OPCML: variants seen among roughly 807,000 people sequenced by gnomAD.
The protein encoded by OPCML is opioid-binding protein/cell adhesion molecule.
Under a neutral mutation model 37.8 loss-of-function variants are expected in OPCML, and 13 were observed. The observed-to-expected ratio is 0.34, with a 90% CI of 0.22 to 0.55. The LOEUF is 0.55. Ranked by LOEUF, OPCML falls within the 20% of genes least tolerant of loss-of-function variation. The pLI is 0.91. For synonymous variants in OPCML, 176 were observed against 168.8 expected, an observed-to-expected ratio of 1.04 and a Z score of -0.33; for missense variants, 341 against 435.6, an observed-to-expected ratio of 0.78 and a Z score of 1.93.
At chr11:132,422,808 T>G (rs1216560298) in intron 7 of OPCML, among the ~76,000 whole-genome samples, 1 of 152,206 alleles carries the variant, frequency 6.6e-6, no homozygotes, top group East Asian at 1.9e-4. Flanking sequence ...ACAAGTCTAC[T>G]TCCTCTCTGT....
intron 1 of OPCML, among the ~76,000 whole-genome samples, chr11:133,281,505 C>T (rs1942154467): frequency 6.6e-6 from 1 of 152,120 alleles, no homozygotes; most frequent in Non-Finnish European, 1.5e-5. Flanking sequence ...ACCAAGTAAA[C>T]TTCTTTTCTT....
At chr11:132,502,689 T>G (rs2096248121) in intron 4 of OPCML, among the ~76,000 whole-genome samples, 1 of 152,226 alleles carries the variant, frequency 6.6e-6, no homozygotes, top group Admixed American at 6.5e-5. Context: ...CTTCCATTGT[T>G]AAGTGAAACA....
intron 3 of OPCML, among the ~76,000 whole-genome samples, chr11:132,628,664 C>T (rs573977288): frequency 1.3e-5 from 2 of 152,266 alleles, no homozygotes; most frequent in South Asian, 4.1e-4. Flanking sequence ...TACACCCTTA[C>T]ACCACCTGTG....
intron 1 of OPCML, among the ~76,000 whole-genome samples, chr11:133,017,916 C>T (rs1180515386): frequency 6.6e-6 from 1 of 152,166 alleles, no homozygotes; most frequent in Non-Finnish European, 1.5e-5. Flanking sequence ...AAAGAAAGAT[C>T]TGGCTTTCTG....
chr11:132,434,457 G>C (rs2096006833), intron 7 of OPCML, among the ~76,000 whole-genome samples: 1 of 152,170 alleles, frequency 6.6e-6, no homozygotes, highest in African/African-American at 2.4e-5. Context: ...GTGTGTGCCT[G>C]TTTCTCTTTG....
intron 4 of OPCML, among the ~76,000 whole-genome samples, chr11:132,461,402 G>A (rs1298967367): frequency 6.6e-6 from 1 of 152,204 alleles, no homozygotes; most frequent in Non-Finnish European, 1.5e-5. Flanking sequence ...GTTCTGGAAA[G>A]GGGAACACAT....
At chr11:133,483,795 T>TAGATA (rs1555165668) in intron 1 of OPCML, among the ~76,000 whole-genome samples, 2 of 132,346 alleles carry the variant, frequency 1.5e-5, no homozygotes, top group African/African-American at 3.1e-5. Flanking sequence ...GATACATAGA[T>TAGATA]GATAGATAGA....
intron 4 of OPCML, among the ~76,000 whole-genome samples, chr11:132,441,311 G>C (rs2096033932): frequency 6.7e-6 from 1 of 149,186 alleles, no homozygotes; most frequent in African/African-American, 2.5e-5. Context: ...GGGACTGCAG[G>C]CGCCCGCCAC....
intron 1 of OPCML, among the ~76,000 whole-genome samples, chr11:133,531,702 C>T (rs565417435): frequency 4.4e-4 from 64 of 144,380 alleles, no homozygotes; most frequent in Non-Finnish European, 8.7e-4. Flanking sequence ...AGAGCAGTTC[C>T]GAAGGAAGGG....
At chr11:132,482,910 G>A (rs1461435619) in intron 4 of OPCML, among the ~76,000 whole-genome samples, 1 of 146,096 alleles carries the variant, frequency 6.8e-6, no homozygotes, top group African/African-American at 2.6e-5. Flanking sequence ...GGTATTGATG[G>A]GACATATTTC....
chr11:132,826,499 G>T (rs1292132528), intron 2 of OPCML, among the ~76,000 whole-genome samples: 1 of 152,144 alleles, frequency 6.6e-6, no homozygotes, highest in East Asian at 1.9e-4. Context: ...TGAAAAAAAT[G>T]TGAAAGGCAT....
Position 132,853,459 on chromosome 11 carries a change from G to A in OPCML, c.146+89467C>T, listed in dbSNP as rs575583462. 1.7e-4 allele frequency among the ~76,000 whole-genome samples: 26 copies of A among 152,232 alleles called. No homozygotes were observed. The South Asian group carries it at 5.4e-3, about 32-fold the overall frequency. ...ATTCAAAATACAAGATAGACCAGCA[G>A]ATAAAACAGACATGCCATAAAAGTC... On this transcript the variant is annotated intron_variant, in intron 2 of 7. Coordinates refer to ENST00000524381, the MANE Select transcript of OPCML (RefSeq NM_001012393.5).
intron 4 of OPCML, among the ~76,000 whole-genome samples, chr11:132,444,882 T>C (rs4936168): frequency 0.5 from 76,251 of 152,136 alleles, 21,837 homozygotes; most frequent in African/African-American, 0.8. Flanking sequence ...TTACCTTTGC[T>C]GCATTGGAGT....
chr11:133,491,259 G>A (rs886612886), intron 1 of OPCML, among the ~76,000 whole-genome samples: 2 of 152,084 alleles, frequency 1.3e-5, no homozygotes, highest in African/African-American at 4.8e-5. Flanking sequence ...CAGGGCTCAC[G>A]TCCCACCTAT....
intron 1 of OPCML, among the ~76,000 whole-genome samples, chr11:133,397,634 A>G (rs1040612805): frequency 6.6e-6 from 1 of 152,234 alleles, no homozygotes; most frequent in Non-Finnish European, 1.5e-5. Context: ...TGGAAAGGAC[A>G]TTGGCTTATG....
At chr11:132,870,837 T>C (rs1334698418) in intron 2 of OPCML, among the ~76,000 whole-genome samples, 2 of 151,904 alleles carry the variant, frequency 1.3e-5, no homozygotes, top group Non-Finnish European at 2.9e-5. Context: ...ATCTGGAATC[T>C]AAAAAAGCTG....
intron 1 of OPCML, chr11:133,118,345 G>T: frequency 1.0e-6 from 1 of 985,364 alleles, no homozygotes; most frequent in Non-Finnish European, 1.2e-6. Flanking sequence ...CTGGTGCAAG[G>T]ACATGCCGGT....
chr11:132,498,677 G>A (rs1318950691), intron 4 of OPCML, among the ~76,000 whole-genome samples: 1 of 152,028 alleles, frequency 6.6e-6, no homozygotes, highest in Non-Finnish European at 1.5e-5. Context: ...GTAGTTTGAG[G>A]GCGAATTTGA....
chr11:133,107,994 A>T (rs1238618479), intron 1 of OPCML, among the ~76,000 whole-genome samples: 1 of 152,120 alleles, frequency 6.6e-6, no homozygotes, highest in Non-Finnish European at 1.5e-5. Context: ...GGCTATTGGT[A>T]TGCAGCACAC....
Sources: gnomAD v4.1 joint callset for allele counts (sites outside exome capture counted in the v4.1 genomes callset) on GRCh38, gnomAD v4.1.1 for gene constraint, MANE v1.5 for transcripts, NCBI Gene and HGNC (gene_info 2026-07-23, HGNC 2026-07-21) for gene names.